The following NANOS3 variants were observed in gnomAD, a reference collection of about 807,000 sequenced individuals.
NANOS3 encodes the protein nanos homolog 3.
Under a neutral mutation model 13.8 loss-of-function variants are expected in NANOS3, and 11 were observed. That is an observed-to-expected ratio of 0.80 (90% CI 0.50 to 1.32). The LOEUF (loss-of-function observed/expected upper bound fraction) is 1.32. Ranked by LOEUF, NANOS3 falls within the 40% of genes most tolerant of loss-of-function variation. The pLI is 0.00. For missense variants in NANOS3, 221 were observed against 263.8 expected (o/e 0.84, Z 1.12); for synonymous variants, 119 against 115.4 (o/e 1.03, Z -0.20).
upstream of NANOS3, chr19:13,865,294 C>CT (rs946225728): frequency 6.8e-6 from 1 of 146,274 alleles, no homozygotes; most frequent in South Asian, 2.1e-4. Context: ...CCCCTCCCCC[C>CT]CCCCGCCCAC....
intron 1 of NANOS3, among the ~76,000 whole-genome samples, chr19:13,867,663 A>G (rs1488237891): frequency 1.3e-5 from 2 of 151,886 alleles, no homozygotes; most frequent in East Asian, 3.9e-4. Context: ...TCAGACTCAA[A>G]TGATCCTCCC....
upstream of NANOS3, among the ~76,000 whole-genome samples, chr19:13,875,296 C>G (rs1445193825): frequency 6.6e-6 from 1 of 151,634 alleles, no homozygotes. Context: ...GAGTGATTCT[C>G]TGGCCTCAGC....
intron 1 of NANOS3, among the ~76,000 whole-genome samples, chr19:13,879,869 A>AG (rs1189451073): frequency 2.6e-5 from 4 of 152,178 alleles, no homozygotes; most frequent in Admixed American, 6.5e-5. Flanking sequence ...TACTGAAAAT[A>AG]CAAAAAATTA....
At chr19:13,868,151 C>T (rs1056461422) in intron 1 of NANOS3, among the ~76,000 whole-genome samples, 3 of 151,918 alleles carry the variant, frequency 2.0e-5, no homozygotes, top group African/African-American at 7.3e-5. Context: ...CTCCAACTCC[C>T]AGGTTCAAGC....
intron 1 of NANOS3, among the ~76,000 whole-genome samples, chr19:13,879,445 T>G (rs548616086): frequency 5.3e-5 from 8 of 152,010 alleles, no homozygotes; most frequent in Admixed American, 5.2e-4. Context: ...TTTCTTAAAG[T>G]CATGAAAGGG....
intron 1 of NANOS3, among the ~76,000 whole-genome samples, chr19:13,871,276 C>A (rs1976323693): frequency 6.6e-6 from 1 of 152,118 alleles, no homozygotes; most frequent in Admixed American, 6.5e-5. Flanking sequence ...GAGGCAGGTG[C>A]ACGGGCTGGG....
intron 1 of NANOS3, among the ~76,000 whole-genome samples, chr19:13,869,910 G>A (rs1018759698): frequency 2.0e-5 from 3 of 152,054 alleles, no homozygotes; most frequent in African/African-American, 7.2e-5. Flanking sequence ...GGTTGAGATC[G>A]AGAGGAGACA....
intron 1 of NANOS3, among the ~76,000 whole-genome samples, chr19:13,868,183 C>T (rs1208854028): frequency 2.6e-5 from 4 of 151,912 alleles, no homozygotes; most frequent in South Asian, 2.1e-4. Flanking sequence ...CTCAGCCTCT[C>T]GAGTAGCTGG....
At chr19:13,875,343 C>T (rs1968489052), upstream of NANOS3, among the ~76,000 whole-genome samples, 1 of 151,912 alleles carries the variant, frequency 6.6e-6, no homozygotes, top group Admixed American at 6.6e-5. Flanking sequence ...TCTGCCACCA[C>T]AGTGGGCTAA....
upstream of NANOS3, among the ~76,000 whole-genome samples, chr19:13,872,901 T>A (rs937175486): frequency 1.4e-5 from 2 of 144,894 alleles, no homozygotes; most frequent in African/African-American, 5.2e-5. Flanking sequence ...CTCTAGAAGG[T>A]GCCGGGAGGC....
upstream of NANOS3, among the ~76,000 whole-genome samples, chr19:13,863,194 G>C (rs564908472): frequency 2.0e-5 from 3 of 151,860 alleles, no homozygotes; most frequent in East Asian, 2.0e-4. Context: ...TTTTCTAAGA[G>C]AGGAACTCTT....
upstream of NANOS3, among the ~76,000 whole-genome samples, chr19:13,875,188 C>CT (rs376046818): frequency 4.6e-3 from 648 of 141,852 alleles, 6 homozygotes; most frequent in East Asian, 6.5e-3. Context: ...CTAAAATCCC[C>CT]TTTTTTTTTT....
upstream of NANOS3, among the ~76,000 whole-genome samples, chr19:13,874,193 G>A (rs1333950054): frequency 6.6e-6 from 1 of 152,080 alleles, no homozygotes; most frequent in Non-Finnish European, 1.5e-5. Flanking sequence ...CCACCCCCAA[G>A]CGCTCCACTC....
chr19:13,864,497 G>A (rs941355316), upstream of NANOS3, among the ~76,000 whole-genome samples: 1 of 152,100 alleles, frequency 6.6e-6, no homozygotes, highest in Non-Finnish European at 1.5e-5. Flanking sequence ...ATATATGTGT[G>A]TGTCTGTGAA....
chr19:13,863,402 G>A (rs1976185580), upstream of NANOS3, among the ~76,000 whole-genome samples: 2 of 151,826 alleles, frequency 1.3e-5, no homozygotes, highest in African/African-American at 4.8e-5. Context: ...TATTTTTGTA[G>A]AGACAGTGTC....
chr19:13,877,076 C>T (rs1968527334), upstream of NANOS3, among the ~76,000 whole-genome samples: 1 of 152,196 alleles, frequency 6.6e-6, no homozygotes, highest in Admixed American at 6.5e-5. Context: ...CCACAGCCTG[C>T]TCCTCCCTCT....
At chr19:13,867,489 C>T (rs1976260078) in intron 1 of NANOS3, among the ~76,000 whole-genome samples, 1 of 145,174 alleles carries the variant, frequency 6.9e-6, no homozygotes, top group Non-Finnish European at 1.5e-5. Context: ...GTCTCAAACT[C>T]GTTGAGCTCT....
chr19:13,874,231 G>GC (rs1968461930), upstream of NANOS3, among the ~76,000 whole-genome samples: 1 of 152,138 alleles, frequency 6.6e-6, no homozygotes, highest in African/African-American at 2.4e-5. Context: ...AAACCATCGT[G>GC]CCCGGAACTC....
upstream of NANOS3, among the ~76,000 whole-genome samples, chr19:13,864,352 C>G (rs1411483866): frequency 6.6e-6 from 1 of 152,088 alleles, no homozygotes; most frequent in Non-Finnish European, 1.5e-5. Flanking sequence ...AGGTACACAT[C>G]CCCACGTGCC....
Sources: gnomAD v4.1 joint callset for allele counts (sites outside exome capture counted in the v4.1 genomes callset) on GRCh38, gnomAD v4.1.1 for gene constraint, MANE v1.5 for transcripts, NCBI Gene and HGNC (gene_info 2026-07-23, HGNC 2026-07-21) for gene names.